Variants in ARHGEF28 observed in about 807,000 individuals in gnomAD.
ARHGEF28 encodes 190 kDa guanine nucleotide exchange factor.
A neutral mutation model predicts 206.6 loss-of-function variants in ARHGEF28; 152 were observed. The ratio of observed to expected loss-of-function variants is 0.74; its 90% CI spans 0.64 to 0.84. ARHGEF28 has a LOEUF of 0.84. Ranked by LOEUF, ARHGEF28 falls within the 40% of genes least tolerant of loss-of-function variation. The probability of loss-of-function intolerance (pLI) is 0.00; values close to 1 mark genes in which losing one functional copy is unlikely to be tolerated. For synonymous variants in ARHGEF28, 763 were observed against 776.4 expected, an observed-to-expected ratio of 0.98 and a Z score of 0.29; for missense variants, 2,028 against 2,073.2, an observed-to-expected ratio of 0.98 and a Z score of 0.42.
chr5:73,640,167 A>T (rs1743980932), intron 1 of ARHGEF28, among the ~76,000 whole-genome samples: 1 of 151,944 alleles, frequency 6.6e-6, no homozygotes, highest in African/African-American at 2.4e-5. Context: ...CTTTGTCTCA[A>T]CTCTCTTCCT....
At chr5:73,765,738 T>C (rs1752857220) in intron 4 of ARHGEF28, among the ~76,000 whole-genome samples, 1 of 152,224 alleles carries the variant, frequency 6.6e-6, no homozygotes, top group African/African-American at 2.4e-5. Context: ...GTTTGTCTAC[T>C]GAATGACTTA....
intron 2 of ARHGEF28, among the ~76,000 whole-genome samples, chr5:73,743,875 A>T (rs1442622697): frequency 6.6e-6 from 1 of 152,180 alleles, no homozygotes; most frequent in African/African-American, 2.4e-5. Context: ...GTTAAATGAA[A>T]AGCTGTAGAT....
chr5:73,707,671 T>A lies in ARHGEF28; in HGVS notation c.33+22787T>A, dbSNP rs563663418. Among the ~76,000 whole-genome samples the A allele has an allele frequency of 1.9e-4, 29 of 152,342 alleles. 1 individual carries two copies. The South Asian group carries it at 4.8e-3, about 25-fold the overall frequency. On this transcript the variant is annotated intron_variant, in intron 2 of 35. Coordinates refer to ENST00000513042, the MANE Select transcript of ARHGEF28 (RefSeq NM_001177693.2). ...AAGCTCATGGATTTCTATTTTTTTT[T>A]ATTTGTAAAGTCATTTTTAACTTAT... is the stretch of plus-strand genomic sequence containing the variant.
intron 22 of ARHGEF28, among the ~76,000 whole-genome samples, chr5:73,882,111 C>T (rs566751978): frequency 6.6e-5 from 10 of 151,612 alleles, no homozygotes; most frequent in Non-Finnish European, 1.3e-4. Context: ...TCCTGAAGGC[C>T]CCTAAATGTT....
Position 73,774,022 on chromosome 5 carries a change from G to A in ARHGEF28, c.643G>A (p.Val215Met), listed in dbSNP as rs1753399088. The A allele has an allele frequency of 1.3e-6, 2 of 1,594,526 alleles. No individual in the cohort carries two copies. The highest frequency in any genetic ancestry group is 1.7e-6 in the Non-Finnish European group (2 of 1,170,510). The change falls in exon 5 of 36, where the codon GTG becomes ATG. Residue 215 changes from valine (V) to methionine (M), a missense_variant. This residue lies in a region of ARHGEF28 where 1,002 missense variants were observed against 1,015.3 expected (regional missense o/e 0.99). Transcript: ENST00000513042. ...LALREGHSKL[V>M]EDVTNFQGRW... The stretch of plus-strand genomic sequence containing the variant: ...TTTACGTGAAGGACACTCCAAGCTG[G>A]TGGAAGACGTCACAAAGTGAGTTTA...
chr5:73,862,790 C>T (rs1484461893), intron 16 of ARHGEF28, among the ~76,000 whole-genome samples: 2 of 151,820 alleles, frequency 1.3e-5, no homozygotes, highest in Non-Finnish European at 2.9e-5. Context: ...TTATTCAGCT[C>T]TATCTCTACC....
At chr5:73,814,945 T>G (rs575236650) in intron 9 of ARHGEF28, among the ~76,000 whole-genome samples, 1 of 152,334 alleles carries the variant, frequency 6.6e-6, no homozygotes, top group East Asian at 1.9e-4. Flanking sequence ...TCCTTTAAAT[T>G]CTATCATTGA....
intron 22 of ARHGEF28, among the ~76,000 whole-genome samples, chr5:73,880,897 A>C (rs1225584943): frequency 1.3e-5 from 2 of 151,588 alleles, no homozygotes; most frequent in Admixed American, 6.6e-5. Context: ...CTTCTCCTGC[A>C]CTCCAGCCTG....
intron 1 of ARHGEF28, among the ~76,000 whole-genome samples, chr5:73,638,526 C>T (rs1743864955): frequency 6.6e-6 from 1 of 152,134 alleles, no homozygotes; most frequent in Admixed American, 6.5e-5. Context: ...CTTTGAGTTA[C>T]ATTGAAGACC....
intron 9 of ARHGEF28, among the ~76,000 whole-genome samples, chr5:73,821,896 T>C (rs924103180): frequency 6.6e-6 from 1 of 152,078 alleles, no homozygotes; most frequent in South Asian, 2.1e-4. Context: ...CAAACATAAA[T>C]GTAGGGAGTC....
At chr5:73,902,606 A>G (rs1375904151) in intron 31 of ARHGEF28, 1 of 152,234 alleles carries the variant, frequency 6.6e-6, no homozygotes, top group Non-Finnish European at 1.5e-5. Context: ...AAAGGTGTAT[A>G]ATGGATATTT....
intron 2 of ARHGEF28, among the ~76,000 whole-genome samples, chr5:73,700,865 G>A (rs149222687): frequency 4.5e-4 from 69 of 152,198 alleles, no homozygotes; most frequent in East Asian, 3.1e-3. Context: ...GCATATTTTC[G>A]TAAGAAACTG....
chr5:73,778,642 C>G (rs1753665967), intron 6 of ARHGEF28, among the ~76,000 whole-genome samples: 1 of 152,126 alleles, frequency 6.6e-6, no homozygotes, highest in Non-Finnish European at 1.5e-5. Flanking sequence ...TTCTTTATGG[C>G]TTCCGAAGAC....
At chr5:73,722,844 A>AT (rs1295487183) in intron 2 of ARHGEF28, among the ~76,000 whole-genome samples, 29 of 152,188 alleles carry the variant, frequency 1.9e-4, no homozygotes, top group Non-Finnish European at 3.7e-4. Flanking sequence ...TAAAGTAGCC[A>AT]TTTTTTGTGA....
intron 2 of ARHGEF28, among the ~76,000 whole-genome samples, chr5:73,725,746 A>G (rs935894765): frequency 2.0e-5 from 3 of 152,180 alleles, no homozygotes; most frequent in South Asian, 4.1e-4. Flanking sequence ...ATTCATTCAC[A>G]TGCCTGATTT....
intron 1 of ARHGEF28, among the ~76,000 whole-genome samples, chr5:73,636,014 A>C (rs905319514): frequency 6.6e-6 from 1 of 152,230 alleles, no homozygotes; most frequent in African/African-American, 2.4e-5. Context: ...ATCACCAGAA[A>C]TATTGATATC....
At chr5:73,683,603 T>A (rs1747244207) in intron 1 of ARHGEF28, among the ~76,000 whole-genome samples, 1 of 151,908 alleles carries the variant, frequency 6.6e-6, no homozygotes, top group South Asian at 2.1e-4. Flanking sequence ...TATCCATCCA[T>A]CTGTGCTGTT....
At chr5:73,895,094 C>G (rs868837681) in intron 29 of ARHGEF28, among the ~76,000 whole-genome samples, 30 of 152,206 alleles carry the variant, frequency 2.0e-4, no homozygotes, top group African/African-American at 6.5e-4. Context: ...GAGAGAAGGA[C>G]TTGGAATTTC....
intron 22 of ARHGEF28, among the ~76,000 whole-genome samples, chr5:73,881,271 G>A (rs2931409): frequency 0.59 from 90,115 of 151,800 alleles, 27,358 homozygotes; most frequent in African/African-American, 0.7. Context: ...TGTTCTAGCT[G>A]TTCTAGTTCC....
Sources: allele counts gnomAD v4.1 joint callset (sites outside exome capture counted in the v4.1 genomes callset), GRCh38; gene constraint gnomAD v4.1.1; regional missense constraint gnomAD v4.1.1; transcripts MANE v1.5; gene names NCBI Gene and HGNC (gene_info 2026-07-23, HGNC 2026-07-21).